Variants in PDZD2 observed in about 807,000 individuals in gnomAD.
PDZD2 encodes PDZ domain containing 2.
In PDZD2, 90 loss-of-function variants were observed where a neutral mutation model predicts 220.7. That is an observed-to-expected ratio of 0.41 (90% CI 0.34 to 0.49). The LOEUF (loss-of-function observed/expected upper bound fraction) is 0.49. Among genes scored for constraint, PDZD2 ranks in the 20% least tolerant of loss-of-function variants. The pLI is 0.28. For missense variants in PDZD2, 3,174 were observed against 3,608.5 expected, an observed-to-expected ratio of 0.88 and a Z score of 3.08; for synonymous variants, 1,375 against 1,450.5, an observed-to-expected ratio of 0.95 and a Z score of 1.18.
intron 2 of PDZD2, among the ~76,000 whole-genome samples, chr5:31,933,208 GGC>G (rs1745452397): frequency 6.6e-6 from 1 of 152,106 alleles, no homozygotes; most frequent in Non-Finnish European, 1.5e-5. Flanking sequence ...CACTGCGCCC[GGC>G]CAGCATAGTT....
chr5:31,811,842 T>G (rs1453746568), intron 2 of PDZD2, among the ~76,000 whole-genome samples: 1 of 151,830 alleles, frequency 6.6e-6, no homozygotes, highest in Non-Finnish European at 1.5e-5. Flanking sequence ...ATACAAAATT[T>G]AGCCAGGCGT....
At chr5:31,972,362 C>T (rs1278485397) in intron 2 of PDZD2, among the ~76,000 whole-genome samples, 4 of 152,182 alleles carry the variant, frequency 2.6e-5, no homozygotes, top group Non-Finnish European at 1.5e-5. Context: ...GATCCACCCG[C>T]CTCAGTCTCC....
chr5:32,086,064 T>C (rs1742421872), intron 19 of PDZD2, among the ~76,000 whole-genome samples: 1 of 152,156 alleles, frequency 6.6e-6, no homozygotes, highest in Non-Finnish European at 1.5e-5. Flanking sequence ...TGGGATAATC[T>C]GGCTTCTCAC....
At chr5:31,925,614 G>C (rs1359912234) in intron 2 of PDZD2, among the ~76,000 whole-genome samples, 2 of 152,006 alleles carry the variant, frequency 1.3e-5, no homozygotes, top group African/African-American at 4.8e-5. Flanking sequence ...TGACAAGTAA[G>C]ACCTAAGTAA....
At position 32,080,117 on chromosome 5, in the gene PDZD2, G is replaced by A. The variant is rs547536791; in HGVS notation, c.3682+2511G>A. ...TAATCCCAGCACTTTGGGAGGCCAAGACGGACGGATCACAAGGTCAGGAGA... is the reference window on the plus strand; with the variant it reads ...TAATCCCAGCACTTTGGGAGGCCAAAACGGACGGATCACAAGGTCAGGAGA... On this transcript the variant is annotated intron_variant, in intron 19 of 24. Coordinates refer to ENST00000438447, the MANE Select transcript of PDZD2 (RefSeq NM_178140.4). Among the ~76,000 whole-genome samples the A allele has an allele frequency of 5.1e-4, 78 of 152,294 alleles. 1 individual carries two copies. In the East Asian group the frequency reaches 7.5e-3, roughly 15 times the overall value.
In PDZD2 at chr5:32,109,904, T is replaced by C. The variant is rs190160439; in HGVS notation, c.*1769T>C. 104 of 152,766 alleles carry C rather than the reference T, an allele frequency of 6.8e-4. No individual in the cohort carries two copies. Among genetic ancestry groups the C allele is most frequent in the Non-Finnish European group, 1.0e-4 (7 of 68,036 alleles). The allele number at this position is 152,766 out of a possible 1,614,324, so 9.5% of individuals were successfully genotyped here. On this transcript the variant is annotated 3_prime_UTR_variant, in exon 25 of 25. Transcript: ENST00000438447. ...TAGCTGGCTTGTCTGAGTCCAGATT[T>C]CTCATCAACTGGCAATACAAAGGAA...
chr5:32,107,303 C>T (rs1447606623), intron 24 of PDZD2: 1 of 152,166 alleles, frequency 6.6e-6, no homozygotes, highest in Non-Finnish European at 1.5e-5. Context: ...CACATAATCA[C>T]TGATTCTCAG....
At chr5:32,007,403 ACT>A (rs1752917456) in intron 5 of PDZD2, among the ~76,000 whole-genome samples, 1 of 150,742 alleles carries the variant, frequency 6.6e-6, no homozygotes, top group Admixed American at 6.6e-5. Flanking sequence ...AAAAAAAAAC[ACT>A]CTTTTCGGTT....
intron 2 of PDZD2, among the ~76,000 whole-genome samples, chr5:31,810,430 A>T (rs530328031): frequency 6.6e-5 from 10 of 151,768 alleles, no homozygotes; most frequent in African/African-American, 2.2e-4. Context: ...GCCTCACTAA[A>T]TTTTTGTATA....
chr5:31,814,105 AAAAG>A (rs1302631621), intron 2 of PDZD2, among the ~76,000 whole-genome samples: 2 of 152,222 alleles, frequency 1.3e-5, no homozygotes, highest in African/African-American at 4.8e-5. Flanking sequence ...TGAGGTCACT[AAAAG>A]AAAGAGGTAC....
At chr5:31,793,742 G>A (rs949740098) in intron 1 of PDZD2, among the ~76,000 whole-genome samples, 2 of 152,228 alleles carry the variant, frequency 1.3e-5, no homozygotes, top group Non-Finnish European at 2.9e-5. Context: ...GGGAGGCGGA[G>A]GTTGCAGTGA....
rs1561386524 is a variant in PDZD2 at position 31,691,604 on chromosome 5, C to CTCTTATCTGGCGCCACCTGCTTTTATTA, written c.-361+52178_-361+52179insGCCACCTGCTTTTATTATCTTATCTGGC. 2.1e-3 allele frequency among the ~76,000 whole-genome samples: 314 copies of CTCTTATCTGGCGCCACCTGCTTTTATTA among 147,678 alleles called. 28 individuals are homozygous for CTCTTATCTGGCGCCACCTGCTTTTATTA. The highest frequency in any genetic ancestry group is 7.4e-3 in the East Asian group (35 of 4,750). Reference sequence around the variant, plus strand: ...TTATCTGGCGCCACCTGCTTTTATTCTCTTATCTGGCCCCTGCTGATTGGT... The same window carrying CTCTTATCTGGCGCCACCTGCTTTTATTA: ...TTATCTGGCGCCACCTGCTTTTATTCTCTTATCTGGCGCCACCTGCTTTTATTATCTTATCTGGCCCCTGCTGATTGGT... On this transcript the variant is annotated intron_variant, in intron 1 of 24. Coordinates refer to ENST00000438447, the MANE Select transcript of PDZD2 (RefSeq NM_178140.4).
rs762969412 is a variant in PDZD2, at chr5:32,108,041, T to C, written c.8426T>C (p.Val2809Ala). The change falls in exon 25 of 25, where the codon GTT becomes GCT. Residue 2809 changes from valine to alanine, a missense_variant. Transcript: ENST00000438447. ...EILAINGKPL[V>A]GLMHFDAWNI... ...CTTGCTATTAATGGGAAACCTCTGG[T>C]TGGGCTCATGCACTTTGATGCCTGG... 5.6e-6 allele frequency: 9 copies of C among 1,611,954 alleles called. No individual in the cohort carries two copies. The highest frequency in any genetic ancestry group is 6.8e-6 in the Non-Finnish European group (8 of 1,178,028).
At chr5:31,761,024 G>C (rs1437582405) in intron 1 of PDZD2, among the ~76,000 whole-genome samples, 1 of 152,176 alleles carries the variant, frequency 6.6e-6, no homozygotes, top group Non-Finnish European at 1.5e-5. Flanking sequence ...GGAAGCTCTA[G>C]GTGGGAATGT....
chr5:31,980,359 A>G (rs934626443), intron 2 of PDZD2, among the ~76,000 whole-genome samples: 3 of 152,232 alleles, frequency 2.0e-5, no homozygotes, highest in African/African-American at 7.2e-5. Context: ...GTTGTAGCAT[A>G]TAATTTATTC....
intron 2 of PDZD2, among the ~76,000 whole-genome samples, chr5:31,868,088 T>A (rs1354557478): frequency 2.6e-5 from 4 of 152,176 alleles, no homozygotes; most frequent in African/African-American, 9.6e-5. Context: ...GTAAGTGGTA[T>A]GTCACATGGT....
At chr5:31,923,294 T>G (rs531284631) in intron 2 of PDZD2, 84 of 607,656 alleles carry the variant, frequency 1.4e-4, no homozygotes, top group Non-Finnish European at 2.3e-4. Flanking sequence ...AAAATAAAAA[T>G]AACTTCTCCC....
At chr5:31,862,251 T>C (rs1304728678) in intron 2 of PDZD2, among the ~76,000 whole-genome samples, 4 of 151,738 alleles carry the variant, frequency 2.6e-5, no homozygotes, top group Admixed American at 1.3e-4. Context: ...ACTACAGGTG[T>C]GCTCCACCAC....
chr5:32,048,747 C>T (rs1738227858), intron 8 of PDZD2, 63 bp downstream of exon 8: 2 of 1,541,162 alleles, frequency 1.3e-6, no homozygotes, highest in East Asian at 2.2e-5. Context: ...GAAGAACTGC[C>T]CATCCATACA....
Sources: allele counts gnomAD v4.1 joint callset (sites outside exome capture counted in the v4.1 genomes callset), GRCh38; gene constraint gnomAD v4.1.1; transcripts MANE v1.5; gene names NCBI Gene and HGNC (gene_info 2026-07-23, HGNC 2026-07-21).